DAB2IP: variants seen among roughly 807,000 people sequenced by gnomAD.
DAB2IP encodes the protein DAB2 interacting protein.
A neutral mutation model predicts 107.2 loss-of-function variants in DAB2IP; 28 were observed. That is an observed-to-expected ratio of 0.26 (90% CI 0.19 to 0.36). The LOEUF (loss-of-function observed/expected upper bound fraction) is 0.36, where lower values mean the gene tolerates loss of function less well. DAB2IP is among the 10% of genes least tolerant of loss of function. DAB2IP has a pLI of 1.00. For missense variants in DAB2IP, 1,400 were observed against 1,644.7 expected, an observed-to-expected ratio of 0.85 and a Z score of 2.57; for synonymous variants, 755 against 706.4, an observed-to-expected ratio of 1.07 and a Z score of -1.09.
chr9:121,756,654 T>G (rs909825232), intron 3 of DAB2IP, among the ~76,000 whole-genome samples: 4 of 152,240 alleles, frequency 2.6e-5, no homozygotes, highest in African/African-American at 9.6e-5. Context: ...CGCCCAGAAC[T>G]GCAGACAGCT....
At chr9:121,629,508 G>A (rs553403350) in intron 1 of DAB2IP, among the ~76,000 whole-genome samples, 16 of 152,252 alleles carry the variant, frequency 1.1e-4, no homozygotes, top group Admixed American at 3.9e-4. Context: ...CCGGGCAGGC[G>A]CCGGGCAGAC....
At chr9:121,685,191 G>C in intron 2 of DAB2IP, among the ~76,000 whole-genome samples, 1 of 152,184 alleles carries the variant, frequency 6.6e-6, no homozygotes, top group East Asian at 1.9e-4. Context: ...AGGCTGATTG[G>C]TATTAAACTA....
In DAB2IP at chr9:121,776,651, G is replaced by T. The variant is rs1299089026; in HGVS notation, c.3314+260G>T. Among the ~76,000 whole-genome samples, 1 of 152,210 alleles carries T rather than the reference G, an allele frequency of 6.6e-6. No individual in the cohort carries two copies. Among genetic ancestry groups the T allele is most frequent in the East Asian group, 1.9e-4 (1 of 5,184 alleles). Reference sequence around the variant, plus strand: ...GACAGCTGGCTCCCGACGGGCCTGAGCCTCTACAAGGAGCCATACCATCTT... The same window carrying T: ...GACAGCTGGCTCCCGACGGGCCTGATCCTCTACAAGGAGCCATACCATCTT... On this transcript the variant is annotated intron_variant, in intron 14 of 15. Transcript: ENST00000408936. The surrounding 1 kb of genome is among the most constrained non-coding windows in gnomAD (Gnocchi z 5.4).
At chr9:121,753,135 G>A (rs1833242390) in intron 3 of DAB2IP, 1 of 152,306 alleles carries the variant, frequency 6.6e-6, no homozygotes, top group South Asian at 2.1e-4. Flanking sequence ...ACCCTGGTGG[G>A]AGGCAGGCAG....
intron 3 of DAB2IP, among the ~76,000 whole-genome samples, chr9:121,732,177 A>G (rs1340425450): frequency 6.6e-6 from 1 of 152,192 alleles, no homozygotes; most frequent in Non-Finnish European, 1.5e-5. Flanking sequence ...CTGGCACACT[A>G]TGCTGGGTGT....
In DAB2IP at chr9:121,701,708, C is replaced by T. The variant is rs1829792556; in HGVS notation, c.362+2250C>T. On this transcript the variant is annotated intron_variant, in intron 3 of 15. Transcript: ENST00000408936. The surrounding 1 kb of genome is among the most constrained non-coding windows in gnomAD (Gnocchi z 4.7). ...TGGGCAGAAATTTCTCTGGGGCTGT[C>T]CCTGGAGTCATCCTATTTGGAGTTC... Among the ~76,000 whole-genome samples, 1 of 152,084 alleles carries T rather than the reference C, an allele frequency of 6.6e-6. No individual in the cohort carries two copies. The highest frequency in any genetic ancestry group is 2.4e-5 in the African/African-American group (1 of 41,404).
Position 121,736,565 on chromosome 9 carries a change from C to T in DAB2IP, c.363-20448C>T, listed in dbSNP as rs1477696170. On this transcript the variant is annotated intron_variant, in intron 3 of 15. Coordinates refer to ENST00000408936, the Ensembl canonical transcript of DAB2IP. The surrounding 1 kb of genome is among the most constrained non-coding windows in gnomAD (Gnocchi z 4.6). ...GGGGTGGGGGGCGGGTGGGAGGGCC[C>T]GGAGGGCTGGGGCTGGGGCGGGCCG... Among the ~76,000 whole-genome samples the T allele has an allele frequency of 2.3e-4, 2 of 8,794 alleles. No individual in the cohort carries two copies. The highest frequency in any genetic ancestry group is 4.8e-4 in the Non-Finnish European group (2 of 4,186). 5.8% of individuals were successfully genotyped at this position (8,794 alleles called of 152,430 possible).
intron 1 of DAB2IP, among the ~76,000 whole-genome samples, chr9:121,626,375 G>A (rs1589423752): frequency 6.6e-6 from 1 of 150,632 alleles, no homozygotes; most frequent in African/African-American, 2.4e-5. Flanking sequence ...GAAGATGTGA[G>A]GCACTCTGGG....
chr9:121,626,932 A>C (rs77656373), intron 1 of DAB2IP, among the ~76,000 whole-genome samples: 11,626 of 152,038 alleles, frequency 0.076, 1,485 homozygotes, highest in African/African-American at 0.26. Context: ...TCACAGCAAA[A>C]TTGAGCAGAA....
At chr9:121,660,437 G>T (rs1054865856) in intron 1 of DAB2IP, among the ~76,000 whole-genome samples, 1 of 152,200 alleles carries the variant, frequency 6.6e-6, no homozygotes, top group African/African-American at 2.4e-5. Context: ...CTGGTATGGT[G>T]CAGGGAGAAG....
At chr9:121,705,553 G>A (rs1564169084) in intron 3 of DAB2IP, among the ~76,000 whole-genome samples, 2 of 152,332 alleles carry the variant, frequency 1.3e-5, no homozygotes, top group East Asian at 1.9e-4. Context: ...GTCTGTGTAC[G>A]TATACCCTGT....
At chr9:121,676,558 G>A (rs1197308370) in intron 1 of DAB2IP, among the ~76,000 whole-genome samples, 2 of 152,050 alleles carry the variant, frequency 1.3e-5, no homozygotes, top group Non-Finnish European at 1.5e-5. Flanking sequence ...CACCCCCCAC[G>A]CACCAGGCTC....
rs1240549218 is a variant in DAB2IP at position 121,701,595 on chromosome 9, T to C, written c.362+2137T>C. 6.6e-6 allele frequency among the ~76,000 whole-genome samples: 1 copy of C among 152,204 alleles called. No homozygotes were observed. Among genetic ancestry groups the C allele is most frequent in the Non-Finnish European group, 1.5e-5 (1 of 68,018 alleles). On this transcript the variant is annotated intron_variant, in intron 3 of 15. Transcript: ENST00000408936. The surrounding 1 kb of genome is among the most constrained non-coding windows in gnomAD (Gnocchi z 4.7). Reference sequence around the variant, plus strand: ...GGTTTGAAATCTCTCTACCCAGCCTTGGAGCTGAAATAGGCTTTCCCAGGA... The same window carrying C: ...GGTTTGAAATCTCTCTACCCAGCCTCGGAGCTGAAATAGGCTTTCCCAGGA...
intron 1 of DAB2IP, among the ~76,000 whole-genome samples, chr9:121,587,176 T>A (rs1241195027): frequency 6.6e-6 from 1 of 152,224 alleles, no homozygotes; most frequent in Non-Finnish European, 1.5e-5. Context: ...TCAGTGGAGA[T>A]GACTACTTCC....
chr9:121,780,083 G>A (rs1835493907), intron 14 of DAB2IP, among the ~76,000 whole-genome samples: 1 of 152,200 alleles, frequency 6.6e-6, no homozygotes, highest in Middle Eastern at 3.4e-3. Flanking sequence ...ATGGGGTCTC[G>A]CCATGTTACC....
chr9:121,634,122 A>G lies in DAB2IP; in HGVS notation c.41-44556A>G, dbSNP rs572767684. ...GCCCTCTCAGGACACAAAGGGACAC[A>G]GTTCTTGAAGGGTCCTCCAGAGACC... On this transcript the variant is annotated intron_variant, in intron 1 of 16. Transcript: ENST00000259371. This position sits in a 1 kb window ranked among gnomAD's most constrained non-coding sequence, Gnocchi z 4.7. Among the ~76,000 whole-genome samples, 1 of 152,286 alleles carries G rather than the reference A, an allele frequency of 6.6e-6. No individual in the cohort carries two copies. Among genetic ancestry groups the G allele is most frequent in the East Asian group, 1.9e-4 (1 of 5,168 alleles).
In DAB2IP at chr9:121,701,460, G is replaced by A. The variant is rs1829779654; in HGVS notation, c.362+2002G>A. Among the ~76,000 whole-genome samples the A allele has an allele frequency of 6.6e-6, 1 of 152,216 alleles. No individual in the cohort carries two copies. Among genetic ancestry groups the A allele is most frequent in the African/African-American group, 2.4e-5 (1 of 41,456 alleles). ...GTAGCGGTTGGAGCAGAATGTCACTGGCAGCGGTGTGGAATTGTCTTATTA... is the reference window on the plus strand; with the variant it reads ...GTAGCGGTTGGAGCAGAATGTCACTAGCAGCGGTGTGGAATTGTCTTATTA... On this transcript the variant is annotated intron_variant, in intron 3 of 15. Transcript: ENST00000408936. The surrounding 1 kb of genome is among the most constrained non-coding windows in gnomAD (Gnocchi z 4.7).
rs564820934 is a variant in DAB2IP at position 121,713,477 on chromosome 9, C to G, written c.362+14019C>G. ...AACCGCCAGATGCCTGCTTATCACA[C>G]CATTCCCGACTCTCACCCTTTTCCT... On this transcript the variant is annotated intron_variant, in intron 3 of 15. Transcript: ENST00000408936. Among the ~76,000 whole-genome samples the G allele has an allele frequency of 1.2e-4, 18 of 152,278 alleles. No individual in the cohort carries two copies. The South Asian group carries it at 2.3e-3, about 19-fold the overall frequency.
intron 1 of DAB2IP, among the ~76,000 whole-genome samples, chr9:121,609,395 C>T (rs969598580): frequency 6.6e-6 from 1 of 152,194 alleles, no homozygotes; most frequent in Non-Finnish European, 1.5e-5. Context: ...GCATCTGACA[C>T]CCTGCCACTG....
Sources: gnomAD v4.1 joint callset for allele counts (sites outside exome capture counted in the v4.1 genomes callset) on GRCh38, gnomAD v4.1.1 for gene constraint, Gnocchi (gnomAD v3.1) non-coding constraint, MANE v1.5 for transcripts, NCBI Gene and HGNC (gene_info 2026-07-23, HGNC 2026-07-21) for gene names.